The following CNTLN variants were observed in gnomAD, a reference collection of about 807,000 sequenced individuals.
The protein encoded by CNTLN is centlein, centrosomal protein.
A neutral mutation model predicts 180.0 loss-of-function variants in CNTLN; 212 were observed. The observed-to-expected ratio is 1.18, with a 90% CI of 1.05 to 1.32. CNTLN has a LOEUF of 1.32. Ranked by LOEUF, CNTLN falls within the 40% of genes most tolerant of loss-of-function variation. The probability of loss-of-function intolerance (pLI) is 0.00; values close to 1 mark genes in which losing one functional copy is unlikely to be tolerated. For synonymous variants in CNTLN, 722 were observed against 563.1 expected (o/e 1.28, Z -3.99); for missense variants, 2,095 against 1,610.9 (o/e 1.30, Z -5.14).
chr9:17,301,647 T>C, intron 7 of CNTLN: 1 of 975,656 alleles, frequency 1.0e-6, no homozygotes. Flanking sequence ...TTGTTTTAGA[T>C]GCTTGTAGTT....
At chr9:17,168,624 A>G (rs1357183630) in intron 2 of CNTLN, 1 of 152,196 alleles carries the variant, frequency 6.6e-6, no homozygotes, top group African/African-American at 2.4e-5. Context: ...TTAGCATAGC[A>G]GATTTTTAGG....
At chr9:17,193,359 A>G (rs556838630) in intron 2 of CNTLN, among the ~76,000 whole-genome samples, 3 of 152,304 alleles carry the variant, frequency 2.0e-5, no homozygotes, top group South Asian at 2.1e-4. Flanking sequence ...AGCCTGTAAA[A>G]TCAAAAGCAA....
intron 15 of CNTLN, among the ~76,000 whole-genome samples, chr9:17,396,644 G>A (rs545139828): frequency 2.6e-5 from 4 of 152,252 alleles, no homozygotes; most frequent in African/African-American, 7.2e-5. Flanking sequence ...CCCCAAACTT[G>A]TTTGCATATT....
rs143770617 is a variant in CNTLN, at chr9:17,207,639, C to T, written c.450-18564C>T. Among the ~76,000 whole-genome samples the T allele has an allele frequency of 5.0e-3, 759 of 152,180 alleles. 4 individuals carry two copies. Among genetic ancestry groups the T allele is most frequent in the African/African-American group, 0.017 (708 of 41,516 alleles). On this transcript the variant is annotated intron_variant, in intron 2 of 25. Coordinates refer to ENST00000380647, the MANE Select transcript of CNTLN (RefSeq NM_017738.4). ...CTTCCTGGGTGAAACGGTACCCCAC[C>T]CTGCTTCTGCTCACCCTCCGTGCTT...
At chr9:17,309,333 T>G (rs1240322413) in intron 8 of CNTLN, 81 bp downstream of exon 8, 5 of 1,155,586 alleles carry the variant, frequency 4.3e-6, no homozygotes, top group Admixed American at 5.0e-5. Context: ...ACATAAAAAT[T>G]TAAATATATT....
intron 1 of CNTLN, 55 bp downstream of exon 1, chr9:17,135,480 T>A (rs1006777808): frequency 1.3e-6 from 2 of 1,532,272 alleles, no homozygotes; most frequent in East Asian, 4.7e-5. Context: ...CCGGGACCCG[T>A]GGGGAGGCGC....
chr9:17,352,374 A>G (rs369229045), intron 12 of CNTLN, among the ~76,000 whole-genome samples: 4 of 148,290 alleles, frequency 2.7e-5, no homozygotes, highest in African/African-American at 9.8e-5. Context: ...AAGACTCCCA[A>G]TCTTCTCAAG....
intron 25 of CNTLN, among the ~76,000 whole-genome samples, chr9:17,500,270 G>A (rs747246305): frequency 1.4e-4 from 21 of 152,188 alleles, no homozygotes; most frequent in Admixed American, 3.9e-4. Context: ...TAATAAATTC[G>A]TAAATGGACT....
rs542556003 is a variant in CNTLN, at chr9:17,234,803, T to G, written c.535-855T>G. Among the ~76,000 whole-genome samples, 23 of 152,300 alleles carry G rather than the reference T, an allele frequency of 1.5e-4. 1 individual carries two copies. In the South Asian group the frequency reaches 4.6e-3, roughly 30 times the overall value. On this transcript the variant is annotated intron_variant, in intron 3 of 25. Coordinates refer to ENST00000380647, the MANE Select transcript of CNTLN (RefSeq NM_017738.4). ...CTAGATACTATGTGTTTAATAAATA[T>G]TAGTTGAAAGAATGGATGGATTGAT...
At chr9:17,327,137 T>TAA (rs71492912) in intron 8 of CNTLN, among the ~76,000 whole-genome samples, 11 of 149,468 alleles carry the variant, frequency 7.4e-5, no homozygotes, top group Middle Eastern at 3.4e-3. Context: ...TTTCTTTACA[T>TAA]AAAAAAACTG....
At chr9:17,291,776 C>G (rs1034451341) in intron 6 of CNTLN, among the ~76,000 whole-genome samples, 1 of 152,162 alleles carries the variant, frequency 6.6e-6, no homozygotes, top group East Asian at 1.9e-4. Flanking sequence ...CATTCTGTGT[C>G]TTTTAATCGG....
At chr9:17,340,666 A>G (rs932855598) in intron 10 of CNTLN, among the ~76,000 whole-genome samples, 161 bp from the exon 11 acceptor site, 1 of 152,184 alleles carries the variant, frequency 6.6e-6, no homozygotes, top group Non-Finnish European at 1.5e-5. Flanking sequence ...TTCTGTGACT[A>G]GAGAAATTCT....
intron 19 of CNTLN, among the ~76,000 whole-genome samples, chr9:17,458,185 G>A (rs1831248555): frequency 6.7e-6 from 1 of 148,482 alleles, no homozygotes; most frequent in Non-Finnish European, 1.5e-5. Context: ...ACTTAAAATA[G>A]TAGGAAGTAT....
At chr9:17,221,967 G>A (rs1192768160) in intron 2 of CNTLN, among the ~76,000 whole-genome samples, 1 of 151,572 alleles carries the variant, frequency 6.6e-6, no homozygotes, top group Non-Finnish European at 1.5e-5. Context: ...ATTTACCTAA[G>A]GCCGAACAAA....
At chr9:17,386,609 T>C (rs1825703840) in intron 13 of CNTLN, among the ~76,000 whole-genome samples, 2 of 152,164 alleles carry the variant, frequency 1.3e-5, no homozygotes, top group South Asian at 4.1e-4. Flanking sequence ...TTCTTGAGCG[T>C]TCTGTATAAA....
Position 17,135,438 on chromosome 9 carries a change from C to T in CNTLN, c.360+13C>T, listed in dbSNP as rs757362378. ...GGCCCTGTGTCAGGTATCGAGGAGT[C>T]TCGCAGTCCCCCTTTCCCCACCACA... On this transcript the variant is annotated intron_variant, in intron 1 of 25. Transcript: ENST00000380647. 13 of 1,583,442 alleles carry T rather than the reference C, an allele frequency of 8.2e-6. No homozygotes were observed. The highest frequency in any genetic ancestry group is 8.1e-5 in the South Asian group (7 of 86,176).
chr9:17,440,630 A>C (rs537166502), intron 18 of CNTLN, among the ~76,000 whole-genome samples: 7 of 151,944 alleles, frequency 4.6e-5, no homozygotes, highest in African/African-American at 1.7e-4. Context: ...TCACATAAAA[A>C]ACTTGTACAT....
rs186579124 is a variant in CNTLN, at chr9:17,330,667, G to A, written c.1377G>A (p.Thr459=). 8.2e-5 allele frequency: 132 copies of A among 1,609,126 alleles called. 1 individual carries two copies. In the Middle Eastern group the frequency reaches 8.3e-4, roughly 10 times the overall value. The change falls in exon 9 of 26, where the codon ACG becomes ACA. Residue 459 remains threonine (T), a synonymous_variant. Coordinates refer to ENST00000380647, the MANE Select transcript of CNTLN (RefSeq NM_017738.4). ...GCCCATCCTTATCAAGCTTAGAAAC[G>A]TTAATGGTTTCACAGAAGTCTGAAA... ...PHRPSLSSLE[T]LMVSQKSEIE...
At chr9:17,289,766 C>T (rs146420441) in intron 6 of CNTLN, among the ~76,000 whole-genome samples, 1,906 of 144,122 alleles carry the variant, frequency 0.013, 70 homozygotes, top group African/African-American at 0.05. Flanking sequence ...ATTTCATCTT[C>T]CATTGCTGAT....
Sources: gnomAD v4.1 joint callset for allele counts (sites outside exome capture counted in the v4.1 genomes callset) on GRCh38, gnomAD v4.1.1 for gene constraint, MANE v1.5 for transcripts, NCBI Gene and HGNC (gene_info 2026-07-23, HGNC 2026-07-21) for gene names.